RAB4A: variants seen among roughly 807,000 people sequenced by gnomAD.
RAB4A encodes the protein ras-related protein Rab-4A.
A neutral mutation model predicts 34.5 loss-of-function variants in RAB4A; 20 were observed. The observed-to-expected ratio is 0.58, with a 90% confidence interval of 0.41 to 0.84. RAB4A has a LOEUF of 0.84. RAB4A is among the 40% of genes least tolerant of loss of function. The pLI is 0.00. For synonymous variants in RAB4A, 102 were observed against 100.0 expected (o/e 1.02, Z -0.12); for missense variants, 228 against 274.5 (o/e 0.83, Z 1.20).
chr1:229,301,751 T>G (rs1387690421), intron 6 of RAB4A, among the ~76,000 whole-genome samples: 1 of 152,094 alleles, frequency 6.6e-6, no homozygotes, highest in East Asian at 1.9e-4. Context: ...TTTTCTTCCC[T>G]TTTTTTATAT....
chr1:229,293,139 C>G (rs759773149), intron 3 of RAB4A, among the ~76,000 whole-genome samples: 1 of 152,242 alleles, frequency 6.6e-6, no homozygotes, highest in African/African-American at 2.4e-5. Context: ...CAGGCACAGC[C>G]TGGTGGAGGA....
chr1:229,295,265 G>A (rs1285398077), intron 3 of RAB4A, among the ~76,000 whole-genome samples: 1 of 152,146 alleles, frequency 6.6e-6, no homozygotes, highest in Non-Finnish European at 1.5e-5. Flanking sequence ...CTCACAAAGA[G>A]GGTGAGATTG....
At position 229,275,588 on chromosome 1, in the gene RAB4A, TGGTAAA is replaced by T. The variant is rs558830645; in HGVS notation, c.31+4221_31+4226del. ...CAAGATGAAGTGAAGAAGATATCCT[TGGTAAA>T]GGAAATAGCATTTCTTTTCCTTTTT... On this transcript the variant is annotated intron_variant, in intron 1 of 7. Coordinates refer to ENST00000366690, the MANE Select transcript of RAB4A (RefSeq NM_004578.4). Among the ~76,000 whole-genome samples, 288 of 151,662 alleles carry T rather than the reference TGGTAAA, an allele frequency of 1.9e-3. 2 individuals are homozygous for T. Among genetic ancestry groups the T allele is most frequent in the African/African-American group, 6.7e-3 (279 of 41,334 alleles).
At chr1:229,298,894 A>G in intron 5 of RAB4A, 83 bp from the exon 6 acceptor site, 1 of 960,662 alleles carries the variant, frequency 1.0e-6, no homozygotes, top group Admixed American at 2.2e-5. Flanking sequence ...TGCTTTTCTA[A>G]GAGAATGCTA....
At chr1:229,292,572 G>C (rs1031114056) in intron 3 of RAB4A, among the ~76,000 whole-genome samples, 1 of 152,258 alleles carries the variant, frequency 6.6e-6, no homozygotes, top group African/African-American at 2.4e-5. Context: ...TCCTTAAAGC[G>C]TGTGCCTCTT....
chr1:229,301,166 G>GTGTCCTACTCTACT (rs1236007329), intron 6 of RAB4A, among the ~76,000 whole-genome samples: 3 of 152,154 alleles, frequency 2.0e-5, no homozygotes, highest in African/African-American at 7.2e-5. Flanking sequence ...TAGGAGGTGA[G>GTGTCCTACTCTACT]CAAGCAGAGT....
chr1:229,275,535 G>A (rs1036584288), intron 1 of RAB4A, among the ~76,000 whole-genome samples: 4 of 151,644 alleles, frequency 2.6e-5, no homozygotes, highest in East Asian at 3.9e-4. Flanking sequence ...ATCAAAATAC[G>A]ATTCATGAGA....
intron 3 of RAB4A, among the ~76,000 whole-genome samples, chr1:229,293,284 A>C (rs1468386735): frequency 6.6e-6 from 1 of 152,084 alleles, no homozygotes; most frequent in Non-Finnish European, 1.5e-5. Flanking sequence ...ATTGATTAAA[A>C]CATTATCCAT....
intron 6 of RAB4A, among the ~76,000 whole-genome samples, chr1:229,302,299 A>ATTTTT (rs1179878416): frequency 2.7e-5 from 1 of 37,618 alleles, no homozygotes; most frequent in Non-Finnish European, 4.8e-5. Flanking sequence ...ATATATATAT[A>ATTTTT]TATATATATA....
intron 2 of RAB4A, among the ~76,000 whole-genome samples, chr1:229,287,720 A>C (rs1420147053): frequency 1.3e-5 from 2 of 152,102 alleles, no homozygotes; most frequent in African/African-American, 4.8e-5. Context: ...CTCCTAATGG[A>C]ATTTCCATAC....
intron 1 of RAB4A, 73 bp downstream of exon 1, chr1:229,271,443 G>C: frequency 5.2e-6 from 6 of 1,147,546 alleles, no homozygotes; most frequent in Non-Finnish European, 5.4e-6. Context: ...CCGGGCCTGG[G>C]CTGCGGGGGT....
chr1:229,305,528 T>G lies in RAB4A; in HGVS notation c.*1735T>G. On this transcript the variant is annotated 3_prime_UTR_variant, in exon 8 of 8. Transcript: ENST00000366690. The stretch of plus-strand genomic sequence containing the variant: ...AACCATGGTGGTTCTTAATCAGGCT[T>G]TGCCTTTAGGGAGAATGAGGAGGAG... 2.7e-6 allele frequency: 1 copy of G among 373,258 alleles called. No homozygotes were observed. The highest frequency in any genetic ancestry group is 4.9e-6 in the Non-Finnish European group (1 of 204,190). The allele number at this position is 373,258 out of a possible 1,614,324, so 23.1% of individuals were successfully genotyped here. A position where few individuals can be genotyped will look rare whatever the true frequency, so the allele number is the denominator to read the frequency against.
intron 6 of RAB4A, 88 bp from the exon 7 acceptor site, chr1:229,302,774 T>C (rs1357388426): frequency 1.1e-6 from 1 of 917,164 alleles, no homozygotes; most frequent in African/African-American, 1.7e-5. Context: ...CACAGTGTTC[T>C]GTACTTTGCT....
chr1:229,305,196 A>T lies in RAB4A; in HGVS notation c.*1403A>T, dbSNP rs775134927. 3.2e-5 allele frequency: 52 copies of T among 1,605,540 alleles called. No homozygotes were observed. Among genetic ancestry groups the T allele is most frequent in the Non-Finnish European group, 4.1e-5 (48 of 1,176,834 alleles). On this transcript the variant is annotated 3_prime_UTR_variant, in exon 8 of 8. Coordinates refer to ENST00000366690, the MANE Select transcript of RAB4A (RefSeq NM_004578.4). ...AGATATTTTGAGTTTTGCTTTTTTT[A>T]TGCCTTGAATATTTTATTTCAAAAA... is the stretch of plus-strand genomic sequence containing the variant.
chr1:229,292,321 A>G (rs956552614), intron 3 of RAB4A, among the ~76,000 whole-genome samples: 6 of 152,222 alleles, frequency 3.9e-5, no homozygotes. Flanking sequence ...ATAAGAAACT[A>G]TTTGTCAAGA....
At chr1:229,279,378 T>C (rs1255903266) in intron 1 of RAB4A, among the ~76,000 whole-genome samples, 1 of 152,238 alleles carries the variant, frequency 6.6e-6, no homozygotes, top group Non-Finnish European at 1.5e-5. Flanking sequence ...CAGAATGTGC[T>C]GTGCTATTAC....
chr1:229,288,450 G>A (rs1440083930), intron 2 of RAB4A, among the ~76,000 whole-genome samples: 2 of 152,196 alleles, frequency 1.3e-5, no homozygotes, highest in Non-Finnish European at 2.9e-5. Flanking sequence ...AGTTGGATGT[G>A]GTTCGGATAT....
chr1:229,271,563 G>GGGGGCGC (rs1656478510), intron 1 of RAB4A, among the ~76,000 whole-genome samples, 193 bp downstream of exon 1: 1 of 151,976 alleles, frequency 6.6e-6, no homozygotes, highest in African/African-American at 2.4e-5. Flanking sequence ...GTGGGGTAGC[G>GGGGGCGC]GGTGCGCGGG....
intron 1 of RAB4A, among the ~76,000 whole-genome samples, chr1:229,279,753 T>A (rs1656735842): frequency 6.6e-6 from 1 of 152,202 alleles, no homozygotes; most frequent in South Asian, 2.1e-4. Context: ...GTAGGATGTA[T>A]CTGTTTTAGA....
Sources: allele counts gnomAD v4.1 joint callset (sites outside exome capture counted in the v4.1 genomes callset), GRCh38; gene constraint gnomAD v4.1.1; transcripts MANE v1.5; gene names NCBI Gene and HGNC (gene_info 2026-07-23, HGNC 2026-07-21).